Variants in SLC30A8 observed in about 807,000 individuals in gnomAD.
SLC30A8 encodes the protein proton-coupled zinc antiporter SLC30A8.
In SLC30A8, 27 loss-of-function variants were observed where a neutral mutation model predicts 36.9. That is an observed-to-expected ratio of 0.73 (90% CI 0.54 to 1.01). SLC30A8 has a LOEUF of 1.01. Ranked by LOEUF, SLC30A8 falls within the 50% of genes least tolerant of loss-of-function variation. The pLI is 0.00. For missense variants in SLC30A8, 439 were observed against 452.0 expected (o/e 0.97, Z 0.26); for synonymous variants, 164 against 172.4 (o/e 0.95, Z 0.38).
intron 1 of SLC30A8, among the ~76,000 whole-genome samples, chr8:117,143,215 T>C (rs1821740163): frequency 1.3e-5 from 2 of 152,164 alleles, no homozygotes; most frequent in African/African-American, 4.8e-5. Flanking sequence ...AGTCCCATTT[T>C]CTAAATCCCA....
chr8:117,087,621 G>C (rs1586488435), intron 2 of SLC30A8, among the ~76,000 whole-genome samples: 1 of 151,798 alleles, frequency 6.6e-6, no homozygotes, highest in African/African-American at 2.4e-5. Context: ...TGAGTTTCTG[G>C]AACTCCAATC....
intron 2 of SLC30A8, among the ~76,000 whole-genome samples, chr8:117,110,420 G>A (rs909777851): frequency 6.6e-6 from 1 of 152,192 alleles, no homozygotes; most frequent in African/African-American, 2.4e-5. Flanking sequence ...AGGTCACCAT[G>A]TGTCATGATG....
chr8:117,061,789 C>T (rs1341130100), intron 2 of SLC30A8, among the ~76,000 whole-genome samples: 3 of 152,084 alleles, frequency 2.0e-5, no homozygotes. Context: ...TGGCATTTTA[C>T]TTATGGAGTC....
chr8:117,145,121 G>A (rs1242164073), intron 1 of SLC30A8, among the ~76,000 whole-genome samples: 1 of 152,108 alleles, frequency 6.6e-6, no homozygotes, highest in Non-Finnish European at 1.5e-5. Context: ...TGGAGACCTC[G>A]TCAAAAAGTA....
At chr8:117,028,277 G>A (rs182441773) in intron 1 of SLC30A8, among the ~76,000 whole-genome samples, 336 of 152,258 alleles carry the variant, frequency 2.2e-3, no homozygotes, top group Non-Finnish European at 3.6e-3. Flanking sequence ...GTTAATAGTG[G>A]TATTTTTAAA....
At chr8:117,122,333 A>G (rs1820726227) in intron 2 of SLC30A8, among the ~76,000 whole-genome samples, 1 of 152,020 alleles carries the variant, frequency 6.6e-6, no homozygotes, top group East Asian at 1.9e-4. Context: ...TCTAAGCACC[A>G]TTCATTATCT....
chr8:116,969,066 C>T (rs185449557), intron 1 of SLC30A8, among the ~76,000 whole-genome samples: 11 of 152,238 alleles, frequency 7.2e-5, no homozygotes, highest in Non-Finnish European at 4.4e-5. Flanking sequence ...AGAGAAGGTG[C>T]ATGAGATGCA....
At chr8:117,157,617 A>C in intron 3 of SLC30A8, 74 bp from the exon 4 acceptor site, 1 of 1,541,834 alleles carries the variant, frequency 6.5e-7, no homozygotes, top group Non-Finnish European at 8.8e-7. Context: ...AAAGTGTCTT[A>C]TGACTCTTGG....
At chr8:117,029,344 C>T (rs1163230048) in intron 1 of SLC30A8, among the ~76,000 whole-genome samples, 1 of 152,160 alleles carries the variant, frequency 6.6e-6, no homozygotes, top group Non-Finnish European at 1.5e-5. Context: ...TACTCACCTT[C>T]TAGTTGTGGG....
intron 2 of SLC30A8, among the ~76,000 whole-genome samples, chr8:117,057,980 T>C (rs961105706): frequency 3.9e-5 from 6 of 152,224 alleles, no homozygotes; most frequent in African/African-American, 1.2e-4. Context: ...TTTTTCATAG[T>C]GGCTATGCCA....
intron 1 of SLC30A8, among the ~76,000 whole-genome samples, chr8:117,016,794 T>C (rs957755840): frequency 2.0e-5 from 3 of 152,204 alleles, no homozygotes; most frequent in African/African-American, 7.2e-5. Flanking sequence ...TAAGACAGCA[T>C]GAAAAATAGT....
intron 2 of SLC30A8, among the ~76,000 whole-genome samples, chr8:117,093,103 C>G (rs1211731450): frequency 6.6e-6 from 1 of 151,964 alleles, no homozygotes; most frequent in East Asian, 2.0e-4. Flanking sequence ...ATCTTACTTA[C>G]TTGAGTTTAG....
At chr8:117,013,576 A>G (rs938461257) in intron 1 of SLC30A8, among the ~76,000 whole-genome samples, 9 of 152,180 alleles carry the variant, frequency 5.9e-5, no homozygotes, top group Non-Finnish European at 1.0e-4. Context: ...CTTGTCCACA[A>G]TGTGTCAGGT....
At chr8:116,972,809 G>A (rs1040581325) in intron 1 of SLC30A8, among the ~76,000 whole-genome samples, 9 of 152,116 alleles carry the variant, frequency 5.9e-5, no homozygotes, top group South Asian at 2.1e-4. Context: ...GAGGGACCAC[G>A]AATTGTTCAC....
chr8:117,033,855 C>T (rs1817129238), intron 1 of SLC30A8, among the ~76,000 whole-genome samples: 1 of 152,190 alleles, frequency 6.6e-6, no homozygotes, highest in South Asian at 2.1e-4. Flanking sequence ...CTGCAATCAC[C>T]TTGATTCTGG....
intron 1 of SLC30A8, among the ~76,000 whole-genome samples, chr8:116,965,845 C>G (rs974959763): frequency 6.6e-6 from 1 of 151,334 alleles, no homozygotes; most frequent in Non-Finnish European, 1.5e-5. Context: ...AATCTTCTTG[C>G]TAGAGGCTCT....
intron 1 of SLC30A8, among the ~76,000 whole-genome samples, chr8:117,010,768 T>C (rs1287323308): frequency 1.3e-5 from 2 of 152,162 alleles, no homozygotes; most frequent in Non-Finnish European, 2.9e-5. Context: ...CTTCCAATCA[T>C]GGTGGAAAGT....
chr8:116,980,744 C>T (rs1815222748), intron 1 of SLC30A8, among the ~76,000 whole-genome samples: 1 of 152,190 alleles, frequency 6.6e-6, no homozygotes, highest in Non-Finnish European at 1.5e-5. Flanking sequence ...ACACCCCCAT[C>T]GAAAGGCAAC....
intron 2 of SLC30A8, among the ~76,000 whole-genome samples, chr8:117,047,539 C>T (rs1233453675): frequency 2.0e-5 from 3 of 152,090 alleles, no homozygotes; most frequent in Admixed American, 6.5e-5. Context: ...CATCAACTCC[C>T]AAGTCCAACA....
Sources: allele counts gnomAD v4.1 joint callset (sites outside exome capture counted in the v4.1 genomes callset), GRCh38; gene constraint gnomAD v4.1.1; transcripts MANE v1.5; gene names NCBI Gene and HGNC (gene_info 2026-07-23, HGNC 2026-07-21).